Variants in SSUH2 observed in about 807,000 individuals in gnomAD.
SSUH2 encodes protein SSUH2 homolog.
A neutral mutation model predicts 55.3 loss-of-function variants in SSUH2; 47 were observed. The observed-to-expected ratio is 0.85, with a 90% confidence interval of 0.67 to 1.08. SSUH2 has a LOEUF of 1.08. Among genes scored for constraint, SSUH2 ranks in the 50% least tolerant of loss-of-function variants. The pLI, the probability that SSUH2 is intolerant of heterozygous loss-of-function variation, is 0.00. For missense variants in SSUH2, 535 were observed against 490.7 expected, an observed-to-expected ratio of 1.09 and a Z score of -0.85; for synonymous variants, 212 against 191.5, an observed-to-expected ratio of 1.11 and a Z score of -0.89.
At chr3:8,676,833 TCC>T (rs1280099886) in intron 3 of SSUH2, among the ~76,000 whole-genome samples, 1 of 147,572 alleles carries the variant, frequency 6.8e-6, no homozygotes, top group South Asian at 2.2e-4. Flanking sequence ...CAGCCCCTCT[TCC>T]CCACCTGGCC....
rs764457462 is a variant in SSUH2, at chr3:8,631,377, TGCTCTGTTCAAGGAGACAGACAGCAC to T, written c.401-474_401-449del. Among the ~76,000 whole-genome samples the T allele has an allele frequency of 1.3e-3, 205 of 152,286 alleles. 3 individuals carry two copies. The highest frequency in any genetic ancestry group is 1.2e-3 in the Non-Finnish European group (80 of 68,014). The stretch of plus-strand genomic sequence containing the variant: ...CTTCACCATCCCATCTTCTTCCTCT[TGCTCTGTTCAAGGAGACAGACAGCAC>T]ACCATCACAATAAGATATGATAGGA... On this transcript the variant is annotated intron_variant, in intron 5 of 11. Transcript: ENST00000544814.
intron 8 of SSUH2, chr3:8,627,075 G>A (rs897897982): frequency 1.3e-5 from 2 of 152,228 alleles, no homozygotes; most frequent in East Asian, 1.9e-4. Flanking sequence ...TTGTCAGAAG[G>A]ATGGCCTGGG....
Position 8,635,310 on chromosome 3 carries a change from GGAACGAGGGCCAGGACCTTT to G in SSUH2, c.179_198del (p.Gln60ProfsTer24), listed in dbSNP as rs1301189330. 1 of 1,535,636 alleles carries G rather than the reference GGAACGAGGGCCAGGACCTTT, an allele frequency of 6.5e-7. No individual in the cohort carries two copies. The highest frequency in any genetic ancestry group is 8.7e-7 in the Non-Finnish European group (1 of 1,146,578). ...CAACCTGAAACTCACCTGTGTTCCA[GGAACGAGGGCCAGGACCTTT>G]GCTCCTGGGGCCTCCCTGGGGCCTC... On this transcript the variant is annotated frameshift_variant, in exon 3 of 12. Transcript: ENST00000544814. LOFTEE classifies it high-confidence loss of function.
intron 3 of SSUH2, among the ~76,000 whole-genome samples, chr3:8,676,419 C>G (rs997363460): frequency 1.3e-5 from 2 of 151,178 alleles, no homozygotes; most frequent in African/African-American, 4.9e-5. Context: ...ATCTTCTTCC[C>G]TCCAGGATCG....
intron 4 of SSUH2, among the ~76,000 whole-genome samples, chr3:8,671,595 T>C (rs376518077): frequency 1.4e-5 from 2 of 146,082 alleles, no homozygotes; most frequent in African/African-American, 5.1e-5. Context: ...CGCTAGGATA[T>C]ACTGTGAATA....
chr3:8,663,916 G>A, intron 5 of SSUH2: 1 of 440,038 alleles, frequency 2.3e-6, no homozygotes, highest in South Asian at 1.6e-5. Flanking sequence ...TGCTTTCTGA[G>A]TAAGATAAAA....
intron 11 of SSUH2, among the ~76,000 whole-genome samples, chr3:8,621,928 C>T (rs368093560): frequency 2.0e-5 from 3 of 151,940 alleles, no homozygotes; most frequent in Non-Finnish European, 2.9e-5. Context: ...CCAGCCCCCC[C>T]ACAACCCCCG....
intron 7 of SSUH2, among the ~76,000 whole-genome samples, chr3:8,650,188 G>A (rs763448412): frequency 3.3e-5 from 5 of 152,058 alleles, no homozygotes; most frequent in Admixed American, 6.6e-5. Flanking sequence ...ACACCCTGCC[G>A]CCACCACCAA....
Position 8,630,913 on chromosome 3 carries a change from C to T in SSUH2, c.417G>A (p.Gly139=), listed in dbSNP as rs751677412. 1.5e-5 allele frequency: 22 copies of T among 1,445,804 alleles called. No homozygotes were observed. Among genetic ancestry groups the T allele is most frequent in the African/African-American group, 2.9e-5 (2 of 68,098 alleles). The allele number at this position is 1,445,804 out of a possible 1,614,324, so 89.6% of individuals were successfully genotyped here. A position where few individuals can be genotyped will look rare whatever the true frequency, so the allele number is the denominator to read the frequency against. ...GCCTGGGGGAGGCGCCTCTTTGCGG[C>T]CCATCCACAGAGTGGTCTGACACAG... The part of the protein sequence containing the change: ...FQPFTNHSVD[G]PQRGASPRLW... The change falls in exon 6 of 12, where the codon GGG becomes GGA. Residue 139 remains glycine, a synonymous_variant. Transcript: ENST00000544814.
At chr3:8,654,215 A>G (rs1575297480) in intron 7 of SSUH2, among the ~76,000 whole-genome samples, 1 of 152,112 alleles carries the variant, frequency 6.6e-6, no homozygotes, top group Non-Finnish European at 1.5e-5. Flanking sequence ...GTCTCTTAGA[A>G]AGGCACTAAT....
At chr3:8,667,443 T>A (rs930675795) in intron 5 of SSUH2, among the ~76,000 whole-genome samples, 1 of 152,176 alleles carries the variant, frequency 6.6e-6, no homozygotes, top group African/African-American at 2.4e-5. Flanking sequence ...GCTGGCTTCT[T>A]TACCGCACTT....
At chr3:8,664,095 C>G (rs1185152600) in intron 5 of SSUH2, among the ~76,000 whole-genome samples, 1 of 152,188 alleles carries the variant, frequency 6.6e-6, no homozygotes, top group Non-Finnish European at 1.5e-5. Flanking sequence ...GGTCCTGGAC[C>G]CCCAAGGCTG....
chr3:8,654,836 C>A (rs1310993706), intron 7 of SSUH2, among the ~76,000 whole-genome samples: 1 of 150,820 alleles, frequency 6.6e-6, no homozygotes, highest in East Asian at 2.0e-4. Context: ...TCCCCCAAAT[C>A]TCAGTGTGTG....
intron 4 of SSUH2, among the ~76,000 whole-genome samples, chr3:8,671,356 T>C (rs1326453231): frequency 6.6e-6 from 1 of 152,040 alleles, no homozygotes; most frequent in Non-Finnish European, 1.5e-5. Context: ...AATATGACGA[T>C]AATATCACAG....
intron 2 of SSUH2, chr3:8,677,386 G>A (rs1334648982): frequency 5.3e-5 from 8 of 151,272 alleles, no homozygotes; most frequent in Admixed American, 3.3e-4. Flanking sequence ...AGAATTCTTA[G>A]GAGCTGTGGG....
intron 5 of SSUH2, among the ~76,000 whole-genome samples, chr3:8,667,739 C>T (rs1470962028): frequency 6.6e-6 from 1 of 152,226 alleles, no homozygotes; most frequent in Non-Finnish European, 1.5e-5. Context: ...AGTCCCAACC[C>T]TCTGATTCTG....
chr3:8,669,515 A>G (rs1321393659), intron 5 of SSUH2, among the ~76,000 whole-genome samples: 7 of 150,372 alleles, frequency 4.7e-5, no homozygotes, highest in African/African-American at 1.7e-4. Flanking sequence ...ATAGGATACT[A>G]AGAAGAAAAG....
chr3:8,623,416 C>T (rs1696847375), intron 11 of SSUH2, 133 bp downstream of exon 11: 1 of 663,804 alleles, frequency 1.5e-6, no homozygotes, highest in Admixed American at 2.2e-5. Context: ...GGCCCTACCC[C>T]TTCCCACACT....
intron 1 of SSUH2, among the ~76,000 whole-genome samples, chr3:8,643,989 C>T (rs1701309845): frequency 6.6e-6 from 1 of 151,476 alleles, no homozygotes. Flanking sequence ...CCCCTCCCCA[C>T]TCCCCGCCAC....
Sources: allele counts gnomAD v4.1 joint callset (sites outside exome capture counted in the v4.1 genomes callset), GRCh38; gene constraint gnomAD v4.1.1; transcripts MANE v1.5; gene names NCBI Gene and HGNC (gene_info 2026-07-23, HGNC 2026-07-21).